The following GRM5 variants were observed in gnomAD, a reference collection of about 807,000 sequenced individuals.
The protein encoded by GRM5 is metabotropic glutamate receptor 5.
In GRM5, 19 loss-of-function variants were observed where a neutral mutation model predicts 83.1. The observed-to-expected ratio is 0.23, with a 90% CI of 0.16 to 0.34. The LOEUF (loss-of-function observed/expected upper bound fraction) is 0.34. Among genes scored for constraint, GRM5 ranks in the 10% least tolerant of loss-of-function variants. The pLI is 1.00. For synonymous variants in GRM5, 675 were observed against 633.6 expected (o/e 1.07, Z -0.98); for missense variants, 1,160 against 1,588.3 (o/e 0.73, Z 4.58).
At chr11:88,648,772 A>C (rs903724695) in intron 4 of GRM5, among the ~76,000 whole-genome samples, 2 of 152,098 alleles carry the variant, frequency 1.3e-5, no homozygotes, top group Non-Finnish European at 2.9e-5. Flanking sequence ...CTTTTCCTGA[A>C]GATATAGGCC....
chr11:89,031,720 T>C (rs1941267610), intron 2 of GRM5, among the ~76,000 whole-genome samples: 2 of 152,034 alleles, frequency 1.3e-5, no homozygotes, highest in African/African-American at 4.8e-5. Context: ...GATTAAAAAA[T>C]TTTTCTTCTC....
At chr11:88,695,555 G>C (rs1940882246) in intron 3 of GRM5, among the ~76,000 whole-genome samples, 2 of 152,012 alleles carry the variant, frequency 1.3e-5, no homozygotes, top group African/African-American at 2.4e-5. Flanking sequence ...CTTTCCCATT[G>C]CCAAAGAAAC....
intron 2 of GRM5, among the ~76,000 whole-genome samples, chr11:88,998,931 C>A (rs572220677): frequency 1.3e-5 from 2 of 152,076 alleles, no homozygotes; most frequent in East Asian, 1.9e-4. Flanking sequence ...AACTAGAATG[C>A]CGCATGTCTA....
intron 2 of GRM5, among the ~76,000 whole-genome samples, chr11:88,940,489 A>G (rs937092898): frequency 8.6e-5 from 13 of 151,374 alleles, no homozygotes; most frequent in African/African-American, 3.1e-4. Flanking sequence ...CTTTTGAACA[A>G]TAATGTCTTA....
At chr11:89,012,709 T>G (rs1485577887) in intron 2 of GRM5, among the ~76,000 whole-genome samples, 1 of 152,148 alleles carries the variant, frequency 6.6e-6, no homozygotes, top group Non-Finnish European at 1.5e-5. Context: ...GAACAATATT[T>G]CAAGGCCCTA....
chr11:88,826,076 A>G (rs1228861581), intron 3 of GRM5, among the ~76,000 whole-genome samples: 1 of 152,200 alleles, frequency 6.6e-6, no homozygotes, highest in African/African-American at 2.4e-5. Context: ...CTTCTAGAAT[A>G]ATATCCTTAA....
Position 88,509,165 on chromosome 11 carries a change from G to T in GRM5, c.3066C>A (p.Ile1022=). 6.5e-7 allele frequency: 1 copy of T among 1,537,918 alleles called. No homozygotes were observed. Among genetic ancestry groups the T allele is most frequent in the East Asian group, 2.5e-5 (1 of 40,228 alleles). ...AGCCCGCGCGGTGGCTCAGCGTGCT[G>T]ATGGGCGACGGTGAGCGCGGCCGCG... ...APARPRSPSP[I]STLSHRAGSA... The change falls in exon 10 of 10, where the codon ATC becomes ATA. Residue 1022 remains isoleucine, a synonymous_variant. Coordinates refer to ENST00000305447, the MANE Select transcript of GRM5 (RefSeq NM_001143831.3).
At chr11:88,950,872 G>T (rs534142915) in intron 2 of GRM5, among the ~76,000 whole-genome samples, 3 of 152,154 alleles carry the variant, frequency 2.0e-5, no homozygotes, top group Non-Finnish European at 4.4e-5. Context: ...CAGGTTTGTC[G>T]TTAGGATCAA....
At chr11:88,815,264 A>T (rs1326437467) in intron 3 of GRM5, among the ~76,000 whole-genome samples, 1 of 152,236 alleles carries the variant, frequency 6.6e-6, no homozygotes, top group Non-Finnish European at 1.5e-5. Context: ...ATATATCAGT[A>T]CCAGAAGGAT....
intron 3 of GRM5, among the ~76,000 whole-genome samples, chr11:88,752,352 A>G (rs1942295718): frequency 6.6e-6 from 1 of 152,186 alleles, no homozygotes; most frequent in Non-Finnish European, 1.5e-5. Flanking sequence ...CCCATTCACA[A>G]TTGCTACAAA....
chr11:88,631,989 A>G (rs1011536682), intron 4 of GRM5, among the ~76,000 whole-genome samples: 2 of 152,194 alleles, frequency 1.3e-5, no homozygotes, highest in East Asian at 3.8e-4. Flanking sequence ...CAGGTTTATT[A>G]AAGTACTATT....
chr11:88,816,373 T>C (rs1209236343), intron 3 of GRM5, among the ~76,000 whole-genome samples: 1 of 150,044 alleles, frequency 6.7e-6, no homozygotes, highest in Non-Finnish European at 1.5e-5. Context: ...GCCCCATCTC[T>C]ACTAAAAATA....
intron 2 of GRM5, among the ~76,000 whole-genome samples, chr11:88,952,308 T>A (rs1052931071): frequency 2.6e-5 from 4 of 152,232 alleles, no homozygotes; most frequent in Non-Finnish European, 5.9e-5. Flanking sequence ...CTCTCTAATG[T>A]GCCCATATAG....
chr11:88,795,241 C>G lies in GRM5; in HGVS notation c.911+54665G>C, dbSNP rs137987749. ...GAGAAAGCAGTATCCCAGAGAGGGG[C>G]AGGCAACTTGGCCAAAGTTGTACAG... is the stretch of plus-strand genomic sequence containing the variant. On this transcript the variant is annotated intron_variant, in intron 3 of 9. Transcript: ENST00000305447. Among the ~76,000 whole-genome samples, 1,060 of 152,288 alleles carry G rather than the reference C, an allele frequency of 7.0e-3. 14 individuals are homozygous for G. The highest frequency in any genetic ancestry group is 0.024 in the African/African-American group (1,002 of 41,556).
intron 3 of GRM5, among the ~76,000 whole-genome samples, chr11:88,790,051 A>G (rs1365540407): frequency 6.6e-6 from 1 of 152,058 alleles, no homozygotes; most frequent in African/African-American, 2.4e-5. Flanking sequence ...TTTAATAGAG[A>G]TGGGATTTTG....
At chr11:89,055,704 T>C (rs1471408032) in intron 1 of GRM5, among the ~76,000 whole-genome samples, 2 of 151,830 alleles carry the variant, frequency 1.3e-5, no homozygotes, top group African/African-American at 4.8e-5. Context: ...AATTTTAATA[T>C]GAAATCTCTC....
chr11:88,510,215 C>T (rs1941326254), intron 9 of GRM5, among the ~76,000 whole-genome samples: 2 of 152,236 alleles, frequency 1.3e-5, no homozygotes, highest in Non-Finnish European at 1.5e-5. Context: ...ACTTGAATAA[C>T]AGTTCAATGA....
chr11:89,059,678 A>G (rs1326162412), intron 1 of GRM5, among the ~76,000 whole-genome samples: 1 of 152,206 alleles, frequency 6.6e-6, no homozygotes, highest in Non-Finnish European at 1.5e-5. Flanking sequence ...GTAATAACAT[A>G]GGAAACGCAG....
chr11:88,656,738 T>A (rs1313988965), intron 3 of GRM5, among the ~76,000 whole-genome samples: 1 of 152,134 alleles, frequency 6.6e-6, no homozygotes, highest in Admixed American at 6.6e-5. Context: ...GGGTTCCATA[T>A]TCACAGATTT....
Sources: allele counts gnomAD v4.1 joint callset (sites outside exome capture counted in the v4.1 genomes callset), GRCh38; gene constraint gnomAD v4.1.1; transcripts MANE v1.5; gene names NCBI Gene and HGNC (gene_info 2026-07-23, HGNC 2026-07-21).